Variants in SESN1 observed in about 807,000 individuals in gnomAD.
SESN1 encodes the protein sestrin-1.
In SESN1, 30 loss-of-function variants were observed where a neutral mutation model predicts 59.3. That is an observed-to-expected ratio of 0.51 (90% CI 0.38 to 0.69). SESN1 has a LOEUF of 0.69. Ranked by LOEUF, SESN1 falls within the 30% of genes least tolerant of loss-of-function variation. The pLI is 0.00. For synonymous variants in SESN1, 197 were observed against 219.9 expected (o/e 0.90, Z 0.92); for missense variants, 566 against 673.0 (o/e 0.84, Z 1.76).
intron 1 of SESN1, among the ~76,000 whole-genome samples, chr6:109,066,008 A>G (rs1359109709): frequency 6.6e-6 from 1 of 152,126 alleles, no homozygotes; most frequent in Non-Finnish European, 1.5e-5. Flanking sequence ...TAAGAGGGAT[A>G]AAAGAATCAC....
chr6:109,046,127 T>A (rs567045796), intron 1 of SESN1, among the ~76,000 whole-genome samples: 1 of 147,520 alleles, frequency 6.8e-6, no homozygotes, highest in Non-Finnish European at 1.5e-5. Flanking sequence ...CTCCCCACGG[T>A]CTCCCTCTCA....
Position 108,990,634 on chromosome 6 carries a change from A to G in SESN1, c.1424+11T>C, listed in dbSNP as rs376515553. The G allele has an allele frequency of 2.7e-5, 43 of 1,613,056 alleles. No homozygotes were observed. The highest frequency in any genetic ancestry group is 3.3e-5 in the Non-Finnish European group (39 of 1,179,564). ...AAAACATCTCTTTATAAACACAGAAAGAAGACTAACCTTATTCCAAACATG... is the reference window on the plus strand; with the variant it reads ...AAAACATCTCTTTATAAACACAGAAGGAAGACTAACCTTATTCCAAACATG... On this transcript the variant is annotated intron_variant, in intron 8 of 9. Coordinates refer to ENST00000436639, the MANE Select transcript of SESN1 (RefSeq NM_014454.3).
chr6:109,084,462 G>A (rs916959010), intron 1 of SESN1, among the ~76,000 whole-genome samples: 2 of 152,184 alleles, frequency 1.3e-5, no homozygotes, highest in Non-Finnish European at 2.9e-5. Flanking sequence ...GCTGAGGCAG[G>A]AGAATCGTTT....
chr6:109,000,417 G>T (rs111495028), intron 4 of SESN1, 74 bp downstream of exon 4: 1 of 1,188,518 alleles, frequency 8.4e-7, no homozygotes, highest in Non-Finnish European at 1.1e-6. Context: ...CTTTCTGTGC[G>T]ATTTTTCTGT....
intron 1 of SESN1, among the ~76,000 whole-genome samples, chr6:109,053,864 G>A (rs548101151): frequency 1.3e-5 from 2 of 152,120 alleles, no homozygotes; most frequent in Non-Finnish European, 2.9e-5. Context: ...TTTAAAAGTG[G>A]TAGCTTTTGA....
At chr6:109,067,786 C>T (rs1342214068) in intron 1 of SESN1, among the ~76,000 whole-genome samples, 1 of 152,230 alleles carries the variant, frequency 6.6e-6, no homozygotes, top group African/African-American at 2.4e-5. Flanking sequence ...ATGAAACAGA[C>T]ACAATACAGG....
intron 1 of SESN1, among the ~76,000 whole-genome samples, chr6:109,084,977 T>C (rs1223591703): frequency 6.6e-6 from 1 of 152,088 alleles, no homozygotes; most frequent in Non-Finnish European, 1.5e-5. Flanking sequence ...ATGCTCCTAA[T>C]AGTCATCCTA....
chr6:109,023,734 A>T (rs901284714), intron 1 of SESN1, among the ~76,000 whole-genome samples: 3 of 152,218 alleles, frequency 2.0e-5, no homozygotes, highest in African/African-American at 7.2e-5. Flanking sequence ...ACAGGTTTGG[A>T]TCTAACAAAA....
At chr6:108,995,605 T>C (rs1779486893) in intron 5 of SESN1, among the ~76,000 whole-genome samples, 3 of 152,192 alleles carry the variant, frequency 2.0e-5, no homozygotes, top group African/African-American at 7.2e-5. Flanking sequence ...TTTATACCTT[T>C]CTTATAAAAT....
intron 1 of SESN1, among the ~76,000 whole-genome samples, chr6:109,045,188 C>G (rs1017225152): frequency 1.3e-5 from 2 of 152,140 alleles, no homozygotes; most frequent in African/African-American, 4.8e-5. Context: ...CCTTACTAAC[C>G]TCTTGTCAAG....
intron 1 of SESN1, among the ~76,000 whole-genome samples, chr6:109,071,644 A>G (rs1429545154): frequency 6.6e-6 from 1 of 152,110 alleles, no homozygotes; most frequent in African/African-American, 2.4e-5. Flanking sequence ...TTAAACTTTT[A>G]ACCTGTAAAC....
chr6:109,043,979 G>A (rs1353678510), intron 1 of SESN1, among the ~76,000 whole-genome samples: 1 of 152,042 alleles, frequency 6.6e-6, no homozygotes. Context: ...ACAGAATAGA[G>A]AGCCCAGAAA....
At chr6:109,089,693 A>G (rs1781276932) in intron 1 of SESN1, among the ~76,000 whole-genome samples, 1 of 152,222 alleles carries the variant, frequency 6.6e-6, no homozygotes, top group Non-Finnish European at 1.5e-5. Flanking sequence ...AAGTACCTCA[A>G]GCCAAAAACT....
intron 1 of SESN1, among the ~76,000 whole-genome samples, chr6:109,014,006 CT>C (rs201087997): frequency 1.7e-3 from 245 of 143,378 alleles, no homozygotes; most frequent in African/African-American, 2.5e-3. Context: ...TTGCTCTATA[CT>C]TTTTTTTTTT....
intron 1 of SESN1, among the ~76,000 whole-genome samples, chr6:109,013,603 C>G (rs1159204642): frequency 1.3e-5 from 2 of 152,096 alleles, no homozygotes; most frequent in Non-Finnish European, 2.9e-5. Context: ...TTTTATGGAC[C>G]ACATGTTAAA....
intron 1 of SESN1, among the ~76,000 whole-genome samples, chr6:109,093,266 T>C (rs1200866010): frequency 6.6e-6 from 1 of 152,188 alleles, no homozygotes; most frequent in Non-Finnish European, 1.5e-5. Flanking sequence ...GTCCACCTTT[T>C]CAACATGAAG....
At chr6:109,061,716 A>G (rs1780737423) in intron 1 of SESN1, among the ~76,000 whole-genome samples, 1 of 152,170 alleles carries the variant, frequency 6.6e-6, no homozygotes, top group Non-Finnish European at 1.5e-5. Flanking sequence ...AGGTGGGAAG[A>G]TGGCTTGAGC....
chr6:109,068,919 A>T (rs757138270), intron 1 of SESN1, among the ~76,000 whole-genome samples: 23 of 151,954 alleles, frequency 1.5e-4, no homozygotes, highest in Non-Finnish European at 2.6e-4. Flanking sequence ...ATGGGGTTTC[A>T]TCATGTTGGC....
chr6:109,073,523 T>G (rs1780974093), intron 1 of SESN1, among the ~76,000 whole-genome samples: 1 of 152,114 alleles, frequency 6.6e-6, no homozygotes, highest in Non-Finnish European at 1.5e-5. Context: ...CACCAAAATA[T>G]GGGCAACAAA....
Sources: allele counts gnomAD v4.1 joint callset (sites outside exome capture counted in the v4.1 genomes callset), GRCh38; gene constraint gnomAD v4.1.1; transcripts MANE v1.5; gene names NCBI Gene and HGNC (gene_info 2026-07-23, HGNC 2026-07-21).